CCDC157: variants seen among roughly 807,000 people sequenced by gnomAD.
CCDC157 encodes coiled-coil domain-containing protein 157.
In CCDC157, 60 loss-of-function variants were observed where a neutral mutation model predicts 70.9. That is an observed-to-expected ratio of 0.85 (90% CI 0.69 to 1.05). The LOEUF (loss-of-function observed/expected upper bound fraction) is 1.05, where lower values mean the gene tolerates loss of function less well. CCDC157 is among the 50% of genes least tolerant of loss of function. The probability of loss-of-function intolerance (pLI) is 0.00; values close to 1 mark genes in which losing one functional copy is unlikely to be tolerated. For synonymous variants in CCDC157, 373 were observed against 422.4 expected (o/e 0.88, Z 1.43); for missense variants, 943 against 984.2 (o/e 0.96, Z 0.56).
intron 2 of CCDC157, among the ~76,000 whole-genome samples, chr22:30,363,981 C>A (rs1382539519): frequency 6.6e-6 from 1 of 152,098 alleles, no homozygotes; most frequent in African/African-American, 2.4e-5. Context: ...TGCGCCTGGC[C>A]TCAAAAGTTT....
rs1278314157 is a variant in CCDC157 at position 30,374,568 on chromosome 22, G to A, written c.1672+477G>A. 5 of 457,896 alleles carry A rather than the reference G, an allele frequency of 1.1e-5. No homozygotes were observed. In the Admixed American group the frequency reaches 1.2e-4, roughly 11 times the overall value. 28.4% of individuals were successfully genotyped at this position (457,896 alleles called of 1,614,324 possible). Reference sequence around the variant, plus strand: ...CACAGGATTGGATATCAGGTGACCTGGGTTCTCCCAGCCCCTCCAGACCCC... The same window carrying A: ...CACAGGATTGGATATCAGGTGACCTAGGTTCTCCCAGCCCCTCCAGACCCC... On this transcript the variant is annotated intron_variant, in intron 9 of 11. Transcript: ENST00000338306.
chr22:30,360,632 C>T (rs965391682), intron 1 of CCDC157, among the ~76,000 whole-genome samples: 1 of 152,106 alleles, frequency 6.6e-6, no homozygotes, highest in Non-Finnish European at 1.5e-5. Flanking sequence ...TATGATCTGG[C>T]GGGGCGCGAT....
chr22:30,357,890 C>T (rs1228322628), intron 1 of CCDC157, among the ~76,000 whole-genome samples: 1 of 152,086 alleles, frequency 6.6e-6, no homozygotes, highest in Non-Finnish European at 1.5e-5. Flanking sequence ...TCTCAAACTC[C>T]TGGGGTCAAG....
In CCDC157 at chr22:30,372,110, C is replaced by T. The variant is rs1037154269; in HGVS notation, c.1159C>T (p.Arg387Cys). ...CCAGCAGCTGCAGGAGGAAGGTGAG[C>T]GCAGGGCGGCAGCGGAGAGGCAGGT... ...KAQQLQEEGE[R>C]RAAAERQVQQ... The change falls in exon 7 of 12, where the codon CGC (arginine) becomes TGC (cysteine). Residue 387 changes from arginine to cysteine, a missense_variant. By Grantham distance (180) the Arg-to-Cys change is radical. Transcript: ENST00000338306. The T allele has an allele frequency of 1.5e-5, 24 of 1,554,844 alleles. No homozygotes were observed. Among genetic ancestry groups the T allele is most frequent in the East Asian group, 7.2e-5 (3 of 41,828 alleles).
chr22:30,360,777 G>A (rs1479258618), intron 1 of CCDC157, among the ~76,000 whole-genome samples: 3 of 152,256 alleles, frequency 2.0e-5, no homozygotes, highest in Non-Finnish European at 4.4e-5. Context: ...GCCGGGCATG[G>A]TGGCTCATAC....
Position 30,357,030 on chromosome 22 carries a change from G to C in CCDC157, c.-268G>C. 1 of 388,294 alleles carries C rather than the reference G, an allele frequency of 2.6e-6. No individual in the cohort carries two copies. Among genetic ancestry groups the C allele is most frequent in the Non-Finnish European group, 4.5e-6 (1 of 220,868 alleles). 24.1% of individuals were successfully genotyped at this position (388,294 alleles called of 1,614,324 possible). On this transcript the variant is annotated 5_prime_UTR_variant, in exon 1 of 12. Coordinates refer to ENST00000338306, the MANE Select transcript of CCDC157 (RefSeq NM_001017437.5). ...CCGTTGCCAAGGCAGCGGCCTGAGC[G>C]CCCGGCTAGGGCTTTTCGGGGATCC...
intron 8 of CCDC157, 56 bp from the exon 9 acceptor site, chr22:30,373,867 C>T (rs1309903973): frequency 3.3e-5 from 52 of 1,556,712 alleles, no homozygotes; most frequent in Non-Finnish European, 4.4e-5. Flanking sequence ...TGCCCCAGGG[C>T]GCTGAGTACC....
chr22:30,370,852 A>G lies in CCDC157; in HGVS notation c.947A>G (p.Gln316Arg). The G allele has an allele frequency of 6.2e-7, 1 of 1,612,558 alleles. No homozygotes were observed. Among genetic ancestry groups the G allele is most frequent in the Non-Finnish European group, 8.5e-7 (1 of 1,180,006 alleles). Residue 316 changes from glutamine to arginine, a missense_variant, in exon 5 of 12, where the codon CAG becomes CGG. Transcript: ENST00000338306. Reference protein sequence around the residue: ...GLRKQAGKLEQALKQEQGARR... With the variant: ...GLRKQAGKLERALKQEQGARR... ...AGGAAGCAGGCGGGCAAGCTGGAGC[A>G]GGCGCTGAAACAGGAGCAGGGGGCA...
rs558624491 is a variant in CCDC157 at position 30,370,222 on chromosome 22, C to G, written c.421-104C>G. 1.7e-5 allele frequency: 22 copies of G among 1,285,422 alleles called. 1 individual carries two copies. The South Asian group carries it at 2.7e-4, about 16-fold the overall frequency. 79.6% of individuals were successfully genotyped at this position (1,285,422 alleles called of 1,614,324 possible). A position where few individuals can be genotyped will look rare whatever the true frequency, so the allele number is the denominator to read the frequency against. ...AGAGAACATTTGAGGGTCTGAGTGT[C>G]AGGCAAGGCTGTCACACTGTCACAG... On this transcript the variant is annotated intron_variant, in intron 4 of 11. Transcript: ENST00000338306.
Position 30,372,138 on chromosome 22 carries a change from A to C in CCDC157, c.1187A>C (p.Gln396Pro). 6.4e-7 allele frequency: 1 copy of C among 1,555,022 alleles called. No individual in the cohort carries two copies. The highest frequency in any genetic ancestry group is 8.7e-7 in the Non-Finnish European group (1 of 1,150,372). Residue 396 changes from glutamine (Q) to proline (P), a missense_variant, in exon 7 of 12, where the codon CAG (glutamine) becomes CCG (proline). Transcript: ENST00000338306. ...AGGGCGGCAGCGGAGAGGCAGGTGC[A>C]GCAGCTGGAGGAGCAGGTGCAGCAG... ...ERRAAAERQV[Q>P]QLEEQVQQLE...
At chr22:30,357,827 T>A (rs1208351431) in intron 1 of CCDC157, among the ~76,000 whole-genome samples, 1 of 139,678 alleles carries the variant, frequency 7.2e-6, no homozygotes, top group East Asian at 2.0e-4. Context: ...AGTTTTTAAA[T>A]TTTTTTTTTT....
At chr22:30,370,995 C>A in intron 5 of CCDC157, 45 bp downstream of exon 5, 1 of 1,561,972 alleles carries the variant, frequency 6.4e-7, no homozygotes, top group South Asian at 1.2e-5. Flanking sequence ...GGGGCTCTGC[C>A]ACAGCCTTTG....
chr22:30,369,452 G>A lies in CCDC157; in HGVS notation c.269G>A (p.Ser90Asn), dbSNP rs145362968. ...CGCAGGCTCCTGCTGCTGCTTCAAA[G>A]CTGTATGAGCTACTTGGAGAACCTT... is the stretch of plus-strand genomic sequence containing the variant. The part of the protein sequence containing the change: ...VIDRLLLLLQ[S>N]CMSYLENLGS... Residue 90 changes from serine (S) to asparagine (N), a missense_variant, in exon 4 of 12, where the codon AGC becomes AAC. Physicochemically the swap from Ser to Asn is conservative, Grantham distance 46. Transcript: ENST00000338306. 6 of 1,539,256 alleles carry A rather than the reference G, an allele frequency of 3.9e-6. No homozygotes were observed. The highest frequency in any genetic ancestry group is 5.3e-6 in the Non-Finnish European group (6 of 1,139,802).
chr22:30,370,564 C>T lies in CCDC157; in HGVS notation c.659C>T (p.Pro220Leu), dbSNP rs770319950. Residue 220 changes from proline (P) to leucine (L), a missense_variant, in exon 5 of 12, where the codon CCC becomes CTC. Pro to Leu is a moderately conservative substitution (Grantham distance 98, BLOSUM62 -3). Transcript: ENST00000338306. ...CAGACCATTGAGACGGCCCTGGTGC[C>T]CTGTGACGCATGCGCCAGCGTCCAG... is the stretch of plus-strand genomic sequence containing the variant. ...HSQTIETALV[P>L]CDACASVQGS... is the part of the protein sequence containing the mutation. 13 of 1,613,940 alleles carry T rather than the reference C, an allele frequency of 8.1e-6. No homozygotes were observed. The South Asian group carries it at 1.4e-4, about 18-fold the overall frequency.
rs1320748811 is a variant in CCDC157, at chr22:30,371,713, C to CCA, written c.1114_1115dup (p.Gln372HisfsTer85). 6.8e-6 allele frequency: 11 copies of CCA among 1,613,902 alleles called. No individual in the cohort carries two copies. The highest frequency in any genetic ancestry group is 9.3e-6 in the Non-Finnish European group (11 of 1,179,802). On this transcript the variant is annotated frameshift_variant, in exon 6 of 12. Coordinates refer to ENST00000338306, the MANE Select transcript of CCDC157 (RefSeq NM_001017437.5). LOFTEE classifies it high-confidence loss of function. ...AGAGAACTGAAACAGCAGCGGGAGTCCACACAGGCTGTGGGTAAGGAGCCC... is the reference window on the plus strand; with the variant it reads ...AGAGAACTGAAACAGCAGCGGGAGTCCACACACAGGCTGTGGGTAAGGAGCCC...
At chr22:30,366,568 G>T in intron 3 of CCDC157, 1 of 409,238 alleles carries the variant, frequency 2.4e-6, no homozygotes, top group Non-Finnish European at 4.8e-6. Flanking sequence ...CCTCCTCAGG[G>T]TTTCTATGTT....
intron 1 of CCDC157, among the ~76,000 whole-genome samples, chr22:30,359,369 A>T (rs1363502081): frequency 6.6e-6 from 1 of 152,228 alleles, no homozygotes; most frequent in Non-Finnish European, 1.5e-5. Context: ...GCAGACACGT[A>T]TCCCTTGGGT....
Position 30,376,584 on chromosome 22 carries a change from C to T in CCDC157, c.2098C>T (p.Gln700Ter), listed in dbSNP as rs369636306. 8.1e-6 allele frequency: 13 copies of T among 1,613,264 alleles called. No homozygotes were observed. Among genetic ancestry groups the T allele is most frequent in the Non-Finnish European group, 1.0e-5 (12 of 1,179,826 alleles). Residue 700 changes from glutamine to a stop codon, truncating the protein, a stop_gained, in exon 12 of 12, where the codon CAG becomes TAG. Coordinates refer to ENST00000338306, the MANE Select transcript of CCDC157 (RefSeq NM_001017437.5). LOFTEE classifies it low-confidence loss of function (END_TRUNC). Reference sequence around the variant, plus strand: ...GCAGCCCTGCACATCCCCATCTCGGCAGCCCTGCAGCCAGCCCAGCAAGTC... The same window carrying T: ...GCAGCCCTGCACATCCCCATCTCGGTAGCCCTGCAGCCAGCCCAGCAAGTC... ...PRQPCTSPSR[Q>*]PCSQPSKSLL...
chr22:30,372,473 C>T, intron 7 of CCDC157, 187 bp downstream of exon 7: 1 of 817,422 alleles, frequency 1.2e-6, no homozygotes, highest in Non-Finnish European at 1.8e-6. Context: ...AACAGTGACC[C>T]AGGGACTGAT....
Sources: gnomAD v4.1 joint callset for allele counts (sites outside exome capture counted in the v4.1 genomes callset) on GRCh38, gnomAD v4.1.1 for gene constraint, MANE v1.5 for transcripts, NCBI Gene and HGNC (gene_info 2026-07-23, HGNC 2026-07-21) for gene names.